DOCK7: variants seen among roughly 807,000 people sequenced by gnomAD.
DOCK7 encodes dedicator of cytokinesis 7.
A neutral mutation model predicts 271.0 loss-of-function variants in DOCK7; 138 were observed. The observed-to-expected ratio is 0.51, with a 90% confidence interval of 0.44 to 0.59. The LOEUF (loss-of-function observed/expected upper bound fraction) is 0.59. Ranked by LOEUF, DOCK7 falls within the 20% of genes least tolerant of loss-of-function variation. The pLI, the probability that DOCK7 is intolerant of heterozygous loss-of-function variation, is 0.00. For synonymous variants in DOCK7, 823 were observed against 876.1 expected (o/e 0.94, Z 1.07); for missense variants, 2,066 against 2,592.4 (o/e 0.80, Z 4.41).
intron 31 of DOCK7, among the ~76,000 whole-genome samples, chr1:62,522,544 A>G (rs1225676950): frequency 6.6e-6 from 1 of 152,164 alleles, no homozygotes; most frequent in Non-Finnish European, 1.5e-5. Context: ...GACTTCCACA[A>G]TAAAGGAAGG....
chr1:62,535,562 C>A lies in DOCK7; in HGVS notation c.3542G>T (p.Arg1181Leu), dbSNP rs766018011. Residue 1181 changes from arginine (R) to leucine (L), a missense_variant, in exon 29 of 50, where the codon CGC becomes CTC. Arg to Leu is a moderately radical substitution (Grantham distance 102). Transcript: ENST00000635253. ...AAGTCCTGCCAAATAATGCTGTTGG[C>A]GGAAAGGCACGGATAATTCAAACAT... is the stretch of plus-strand genomic sequence containing the variant. ...ANMFELSVPF[R>L]QQHYLAGLVL... The A allele has an allele frequency of 2.5e-6, 4 of 1,613,882 alleles. No individual in the cohort carries two copies. Among genetic ancestry groups the A allele is most frequent in the Non-Finnish European group, 3.4e-6 (4 of 1,179,898 alleles).
rs775726299 is a variant in DOCK7 at position 62,529,318 on chromosome 1, C to T, written c.3740G>A (p.Gly1247Asp). The change falls in exon 30 of 50, where the codon GGT (glycine) becomes GAT (aspartate). Residue 1247 changes from glycine (G) to aspartate (D), a missense_variant. Around this residue, in one of 2 missense-constraint regions of DOCK7, gnomAD observed 1,414 missense variants for 1,670.4 expected, o/e 0.85. Coordinates refer to ENST00000635253, the MANE Select transcript of DOCK7 (RefSeq NM_001367561.1). ...CTGAGGTACAGTTTCCATGATAATA[C>T]CAATCAGAGGTAGATACAACATGGC... The part of the protein sequence containing the change: ...RVAMLYLPLI[G>D]IIMETVPQLY... 1 of 1,612,146 alleles carries T rather than the reference C, an allele frequency of 6.2e-7. No homozygotes were observed. The highest frequency in any genetic ancestry group is 8.5e-7 in the Non-Finnish European group (1 of 1,179,418).
chr1:62,488,880 T>C, intron 42 of DOCK7, 54 bp downstream of exon 42: 1 of 1,608,698 alleles, frequency 6.2e-7, no homozygotes, highest in South Asian at 1.1e-5. Context: ...ACAACATTAA[T>C]GCTTTCAGAC....
chr1:62,559,292 G>A, intron 19 of DOCK7, 72 bp from the exon 20 acceptor site: 1 of 1,133,288 alleles, frequency 8.8e-7, no homozygotes, highest in Non-Finnish European at 1.3e-6. Flanking sequence ...AAGGACCACG[G>A]ACCACAAACA....
chr1:62,594,644 T>C (rs1648954702), intron 14 of DOCK7, among the ~76,000 whole-genome samples: 1 of 152,158 alleles, frequency 6.6e-6, no homozygotes, highest in Admixed American at 6.6e-5. Context: ...GGGTAAACAC[T>C]ACTACGTATA....
intron 41 of DOCK7, among the ~76,000 whole-genome samples, chr1:62,489,796 A>T (rs1165857612): frequency 6.6e-6 from 1 of 152,200 alleles, no homozygotes; most frequent in African/African-American, 2.4e-5. Flanking sequence ...TTAATATTAC[A>T]CTGGTCACAG....
chr1:62,463,267 G>A (rs1002442399), intron 48 of DOCK7, among the ~76,000 whole-genome samples: 4 of 152,090 alleles, frequency 2.6e-5, no homozygotes, highest in Admixed American at 6.5e-5. Flanking sequence ...TTTAATCCAC[G>A]ACTACCTATC....
intron 1 of DOCK7, among the ~76,000 whole-genome samples, chr1:62,673,563 G>T (rs184981962): frequency 1.3e-5 from 2 of 152,132 alleles, no homozygotes; most frequent in Non-Finnish European, 1.5e-5. Context: ...GAAAAGAAAA[G>T]TATCTACTGC....
At position 62,492,815 on chromosome 1, in the gene DOCK7, C is replaced by T. The variant is rs146098559; in HGVS notation, c.5250G>A (p.Ala1750=). ...CTGGAGATACCACATCATCTGAGAC[C>T]GCAGATTCTTCTAAAACATTAGATG... ...NISSNVLEES[A]VSDDVVSPDE... The change falls in exon 41 of 50, where the codon GCG becomes GCA. Residue 1750 remains alanine, a synonymous_variant. Transcript: ENST00000635253. 1.6e-4 allele frequency: 251 copies of T among 1,613,188 alleles called. No individual in the cohort carries two copies. The African/African-American group carries it at 2.4e-3, about 15-fold the overall frequency.
At chr1:62,601,263 T>C in intron 14 of DOCK7, 1 of 1,086,382 alleles carries the variant, frequency 9.2e-7, no homozygotes. Flanking sequence ...TTAGGACTTG[T>C]TCTAGACTAA....
At chr1:62,571,166 G>A (rs983111489) in intron 18 of DOCK7, among the ~76,000 whole-genome samples, 1 of 152,034 alleles carries the variant, frequency 6.6e-6, no homozygotes, top group Non-Finnish European at 1.5e-5. Context: ...TCTGACAAAG[G>A]TGTAATATCC....
At position 62,492,492 on chromosome 1, in the gene DOCK7, T is replaced by G. The variant is rs577910978; in HGVS notation, c.5361+212A>C. The stretch of plus-strand genomic sequence containing the variant: ...TTGTAGAGACGGTATCTCACTATGT[T>G]CCCCATGCTGGTCTTGAACTCCTGG... On this transcript the variant is annotated intron_variant, in intron 41 of 49. Coordinates refer to ENST00000635253, the MANE Select transcript of DOCK7 (RefSeq NM_001367561.1). 32 of 509,528 alleles carry G rather than the reference T, an allele frequency of 6.3e-5. No homozygotes were observed. The South Asian group carries it at 7.0e-4, about 11-fold the overall frequency. The allele number at this position is 509,528 out of a possible 1,614,324, so 31.6% of individuals were successfully genotyped here.
rs1159702973 is a variant in DOCK7, at chr1:62,631,341, T to C, written c.1181A>G (p.Tyr394Cys). 6.2e-7 allele frequency: 1 copy of C among 1,613,302 alleles called. No homozygotes were observed. Among genetic ancestry groups the C allele is most frequent in the Non-Finnish European group, 8.5e-7 (1 of 1,179,720 alleles). The change falls in exon 11 of 50, where the codon TAT (tyrosine) becomes TGT (cysteine). Residue 394 changes from tyrosine to cysteine, a missense_variant. Coordinates refer to ENST00000635253, the MANE Select transcript of DOCK7 (RefSeq NM_001367561.1). ...ADQFCQRLGK[Y>C]RMPFAWTAIH... ...TGCAGTCCAAGCAAAAGGCATGCGATATTTCCCAAGTCTTTGGCAAAACTG... is the reference window on the plus strand; with the variant it reads ...TGCAGTCCAAGCAAAAGGCATGCGACATTTCCCAAGTCTTTGGCAAAACTG...
chr1:62,526,094 C>G (rs999697374), intron 31 of DOCK7, among the ~76,000 whole-genome samples: 12 of 152,034 alleles, frequency 7.9e-5, no homozygotes, highest in Non-Finnish European at 1.5e-4. Context: ...CACATGCCAC[C>G]ACGCCCGGCT....
At chr1:62,459,241 G>A (rs796091344) in intron 48 of DOCK7, 36 of 149,276 alleles carry the variant, frequency 2.4e-4, no homozygotes, top group African/African-American at 8.8e-4. Context: ...AGGATATAAT[G>A]TACTTTTTTT....
chr1:62,542,695 G>T lies in DOCK7; in HGVS notation c.2958C>A (p.His986Gln). 1 of 1,612,522 alleles carries T rather than the reference G, an allele frequency of 6.2e-7. No individual in the cohort carries two copies. ...CAACCCACTGCAAAGCCAGCTCCTC[G>T]TGAAAAAGCTATCCAGAAGTAAATC... ...TGRLPTKKLF[H>Q]EELALQWVVC... The change falls in exon 25 of 50, where the codon CAC (histidine) becomes CAA (glutamine). Residue 986 changes from histidine to glutamine, a missense_variant. Transcript: ENST00000635253.
intron 43 of DOCK7, chr1:62,483,380 AATCAGTGGTATGGGATATATT>A (rs1047077861): frequency 1.3e-5 from 2 of 151,502 alleles, no homozygotes; most frequent in Non-Finnish European, 2.9e-5. Flanking sequence ...GCAGAAAAAA[AATCAGTGGTATGGGATATATT>A]ATCAGGTGCT....
At chr1:62,651,593 A>G (rs960246910) in intron 4 of DOCK7, among the ~76,000 whole-genome samples, 5 of 151,476 alleles carry the variant, frequency 3.3e-5, no homozygotes, top group Non-Finnish European at 4.4e-5. Context: ...CACCGCCATT[A>G]AGCCCATCTG....
intron 43 of DOCK7, chr1:62,484,794 C>T (rs1646245233): frequency 6.6e-6 from 1 of 152,106 alleles, no homozygotes; most frequent in Admixed American, 6.5e-5. Flanking sequence ...TTTAACATTT[C>T]TCTTTCTGCT....
Sources: allele counts gnomAD v4.1 joint callset (sites outside exome capture counted in the v4.1 genomes callset), GRCh38; gene constraint gnomAD v4.1.1; regional missense constraint gnomAD v4.1.1; transcripts MANE v1.5; gene names NCBI Gene and HGNC (gene_info 2026-07-23, HGNC 2026-07-21).